The following EXT1 variants were observed in gnomAD, a reference collection of about 807,000 sequenced individuals.
EXT1 encodes the protein exostosin glycosyltransferase 1.
EXT1 carries 20 observed loss-of-function variants against 82.5 expected under a neutral mutation model. The observed-to-expected ratio is 0.24, with a 90% CI of 0.17 to 0.35. The LOEUF is 0.35. EXT1 is among the 10% of genes least tolerant of loss of function. EXT1 has a pLI of 1.00. For synonymous variants in EXT1, 348 were observed against 350.8 expected (o/e 0.99, Z 0.09); for missense variants, 757 against 936.5 (o/e 0.81, Z 2.50).
intron 1 of EXT1, among the ~76,000 whole-genome samples, chr8:117,871,185 T>C (rs556511083): frequency 6.6e-6 from 1 of 152,348 alleles, no homozygotes; most frequent in East Asian, 1.9e-4. Flanking sequence ...GGTTTTCTGA[T>C]ATAATCAAGG....
intron 1 of EXT1, among the ~76,000 whole-genome samples, chr8:117,925,187 G>A (rs996822399): frequency 5.3e-5 from 8 of 152,198 alleles, no homozygotes; most frequent in African/African-American, 1.7e-4. Flanking sequence ...TGGTGTCACT[G>A]TCCCTCACCT....
chr8:117,938,485 T>C (rs1399654790), intron 1 of EXT1, among the ~76,000 whole-genome samples: 2 of 149,354 alleles, frequency 1.3e-5, no homozygotes, highest in Non-Finnish European at 2.9e-5. Flanking sequence ...ATAATAATAA[T>C]AATAAACAAA....
rs532844421 is a variant in EXT1, at chr8:117,876,192, G to A, written c.963-38991C>T. On this transcript the variant is annotated intron_variant, in intron 1 of 10. Transcript: ENST00000378204. ...TGTGGAAGTGTACTCAGAGTGTATC[G>A]GGGTATACTGGGACAGAGAAGCATC... Among the ~76,000 whole-genome samples the A allele has an allele frequency of 4.6e-5, 7 of 152,262 alleles. No homozygotes were observed. In the South Asian group the frequency reaches 1.2e-3, roughly 27 times the overall value.
chr8:117,845,402 A>G (rs1812336862), intron 1 of EXT1, among the ~76,000 whole-genome samples: 1 of 152,116 alleles, frequency 6.6e-6, no homozygotes, highest in South Asian at 2.1e-4. Context: ...ACAGTTCAGA[A>G]CCTTAAACTT....
chr8:117,870,885 A>T (rs1415998194), intron 1 of EXT1, among the ~76,000 whole-genome samples: 1 of 151,800 alleles, frequency 6.6e-6, no homozygotes, highest in Non-Finnish European at 1.5e-5. Context: ...TTTTTTAATG[A>T]TCCAATTTAA....
At chr8:118,104,277 G>A (rs1251755822) in intron 1 of EXT1, among the ~76,000 whole-genome samples, 1 of 152,218 alleles carries the variant, frequency 6.6e-6, no homozygotes, top group Admixed American at 6.5e-5. Context: ...TGGTCAAGGT[G>A]GAAGAGGTTT....
At chr8:117,956,907 G>A (rs182871825) in intron 1 of EXT1, among the ~76,000 whole-genome samples, 2 of 152,308 alleles carry the variant, frequency 1.3e-5, no homozygotes, top group Non-Finnish European at 2.9e-5. Flanking sequence ...CCTCCGTGAA[G>A]GAGGCACTAC....
chr8:118,092,725 G>A (rs1817544337), intron 1 of EXT1, among the ~76,000 whole-genome samples: 1 of 152,228 alleles, frequency 6.6e-6, no homozygotes, highest in African/African-American at 2.4e-5. Flanking sequence ...CTGCCGGTGT[G>A]GACAGAAAAA....
intron 1 of EXT1, among the ~76,000 whole-genome samples, chr8:117,859,760 A>G (rs1031618817): frequency 1.3e-5 from 2 of 152,228 alleles, no homozygotes; most frequent in African/African-American, 2.4e-5. Context: ...TCTTTTCAAC[A>G]TGAAAAGTGT....
intron 1 of EXT1, among the ~76,000 whole-genome samples, chr8:117,842,202 T>G (rs1377065954): frequency 6.6e-6 from 1 of 152,220 alleles, no homozygotes; most frequent in African/African-American, 2.4e-5. Flanking sequence ...GAATTCCAGC[T>G]TTTCAATTTA....
chr8:117,804,112 C>T (rs1329633006), intron 10 of EXT1, among the ~76,000 whole-genome samples: 1 of 151,962 alleles, frequency 6.6e-6, no homozygotes, highest in Non-Finnish European at 1.5e-5. Flanking sequence ...AATGTTTGTG[C>T]CCCCTAATAT....
At chr8:117,807,481 T>C in intron 8 of EXT1, 104 bp from the exon 9 acceptor site, 1 of 1,276,226 alleles carries the variant, frequency 7.8e-7, no homozygotes, top group Non-Finnish European at 1.1e-6. Flanking sequence ...CCGGGGACTG[T>C]GGCGAAACAT....
chr8:118,006,503 A>G (rs1479302625), intron 1 of EXT1, among the ~76,000 whole-genome samples: 2 of 152,302 alleles, frequency 1.3e-5, no homozygotes, highest in African/African-American at 2.4e-5. Context: ...TGAAATGCCT[A>G]TAATACTCTA....
chr8:118,013,566 C>T (rs1815945715), intron 1 of EXT1, among the ~76,000 whole-genome samples: 1 of 152,032 alleles, frequency 6.6e-6, no homozygotes, highest in Admixed American at 6.5e-5. Flanking sequence ...ACAGCAGAGA[C>T]CCAAGAATGA....
intron 1 of EXT1, among the ~76,000 whole-genome samples, chr8:118,055,045 T>C (rs934228123): frequency 6.6e-6 from 1 of 152,184 alleles, no homozygotes; most frequent in Non-Finnish European, 1.5e-5. Flanking sequence ...TATATTTTGA[T>C]AAGTTTGACA....
At chr8:118,075,896 T>A (rs1371884840) in intron 1 of EXT1, among the ~76,000 whole-genome samples, 1 of 152,090 alleles carries the variant, frequency 6.6e-6, no homozygotes, top group African/African-American at 2.4e-5. Flanking sequence ...TCAGTCCACA[T>A]GACCCAAACA....
intron 4 of EXT1, among the ~76,000 whole-genome samples, chr8:117,829,724 C>A (rs1348837911): frequency 6.6e-6 from 1 of 151,874 alleles, no homozygotes; most frequent in Non-Finnish European, 1.5e-5. Flanking sequence ...CAAGCGTGTG[C>A]CACCATGCCT....
intron 8 of EXT1, among the ~76,000 whole-genome samples, chr8:117,809,843 T>C (rs916322934): frequency 5.3e-5 from 8 of 152,152 alleles, no homozygotes; most frequent in African/African-American, 1.9e-4. Flanking sequence ...CAGTATATTA[T>C]GCAGCCTGTT....
chr8:117,899,223 T>G (rs1431947508), intron 1 of EXT1, among the ~76,000 whole-genome samples: 2 of 152,240 alleles, frequency 1.3e-5, no homozygotes, highest in African/African-American at 4.8e-5. Context: ...CAGTAGTATA[T>G]GTTGTGCTCA....
Sources: gnomAD v4.1 joint callset for allele counts (sites outside exome capture counted in the v4.1 genomes callset) on GRCh38, gnomAD v4.1.1 for gene constraint, MANE v1.5 for transcripts, NCBI Gene and HGNC (gene_info 2026-07-23, HGNC 2026-07-21) for gene names.